The following DNMT3B variants were observed in gnomAD, a reference collection of about 807,000 sequenced individuals.
The protein encoded by DNMT3B is DNA methyltransferase 3 beta.
In DNMT3B, 37 loss-of-function variants were observed where a neutral mutation model predicts 120.2. The ratio of observed to expected loss-of-function variants is 0.31; its 90% confidence interval spans 0.24 to 0.40. DNMT3B has a LOEUF of 0.40. Among genes scored for constraint, DNMT3B ranks in the 10% least tolerant of loss-of-function variants. The pLI is 1.00. For synonymous variants in DNMT3B, 412 were observed against 442.8 expected, an observed-to-expected ratio of 0.93 and a Z score of 0.87; for missense variants, 878 against 1,137.3, an observed-to-expected ratio of 0.77 and a Z score of 3.28.
chr20:32,779,887 A>T, intron 1 of DNMT3B: 2 of 613,142 alleles, frequency 3.3e-6, no homozygotes, highest in East Asian at 5.5e-5. Context: ...CAGGAGGGAA[A>T]ATAATGCACT....
In DNMT3B at chr20:32,780,341, G is replaced by T; in HGVS notation, c.18G>T (p.Arg6Ser). The T allele has an allele frequency of 6.2e-7, 1 of 1,614,006 alleles. No individual in the cohort carries two copies. Among genetic ancestry groups the T allele is most frequent in the Non-Finnish European group, 8.5e-7 (1 of 1,180,002 alleles). MKGDT[R>S]HLNGEEDAGG... ...AGGAAAGCATGAAGGGAGACACCAG[G>T]CATCTCAATGGAGAGGAGGACGCCG... is the stretch of plus-strand genomic sequence containing the variant. The change falls in exon 2 of 23, where the codon AGG becomes AGT. Residue 6 changes from arginine to serine, a missense_variant. This residue lies in a region of DNMT3B where 287 missense variants were observed against 306.2 expected (regional missense o/e 0.94). Coordinates refer to ENST00000328111, the MANE Select transcript of DNMT3B (RefSeq NM_006892.4).
intron 3 of DNMT3B, among the ~76,000 whole-genome samples, chr20:32,783,513 C>T (rs1978876463): frequency 6.6e-6 from 1 of 151,762 alleles, no homozygotes; most frequent in Non-Finnish European, 1.5e-5. Flanking sequence ...GAGCCAGTAT[C>T]AGTCATAAAA....
At chr20:32,770,812 G>A (rs2745868) in intron 1 of DNMT3B, among the ~76,000 whole-genome samples, 3 of 150,762 alleles carry the variant, frequency 2.0e-5, no homozygotes, top group African/African-American at 2.4e-5. Context: ...GGGTTTCTCC[G>A]TGTTGGTCAG....
chr20:32,775,216 C>T (rs560771605), intron 1 of DNMT3B, among the ~76,000 whole-genome samples: 1 of 152,278 alleles, frequency 6.6e-6, no homozygotes, highest in African/African-American at 2.4e-5. Flanking sequence ...TTCTTTAAAT[C>T]AATACTCTCC....
At chr20:32,764,442 G>A (rs1601034091) in intron 1 of DNMT3B, among the ~76,000 whole-genome samples, 1 of 152,130 alleles carries the variant, frequency 6.6e-6, no homozygotes, top group East Asian at 1.9e-4. Flanking sequence ...CTCATTTTAG[G>A]GTGGCCATTC....
intron 4 of DNMT3B, 59 bp from the exon 5 acceptor site, chr20:32,786,443 C>A: frequency 6.2e-7 from 1 of 1,612,304 alleles, no homozygotes; most frequent in Non-Finnish European, 8.5e-7. Flanking sequence ...CTTCTGGCCC[C>A]GCCAGACCCC....
chr20:32,776,305 T>TACTTAATGTTACAGTGGCAG (rs1988070274), intron 1 of DNMT3B, among the ~76,000 whole-genome samples: 1 of 152,062 alleles, frequency 6.6e-6, no homozygotes. Context: ...AACTGTTAGC[T>TACTTAATGTTACAGTGGCAG]ACTTAATGTT....
chr20:32,806,314 A>G lies in DNMT3B; in HGVS notation c.2407A>G (p.Thr803Ala), dbSNP rs1470267081. 2 of 1,614,234 alleles carry G rather than the reference A, an allele frequency of 1.2e-6. No individual in the cohort carries two copies. Among genetic ancestry groups the G allele is most frequent in the East Asian group, 2.2e-5 (1 of 44,894 alleles). ...MNGKEDVLWC[T>A]ELERIFGFPV... The stretch of plus-strand genomic sequence containing the variant: ...TGGCAAAGAAGATGTTTTGTGGTGC[A>G]CTGAGCTCGAAAGGTGAGCAAGGCT... Residue 803 changes from threonine (T) to alanine (A), a missense_variant, in exon 22 of 23, where the codon ACT (threonine) becomes GCT (alanine). Physicochemically the swap from Thr to Ala is moderately conservative, Grantham distance 58. Coordinates refer to ENST00000328111, the MANE Select transcript of DNMT3B (RefSeq NM_006892.4).
chr20:32,780,470 C>T lies in DNMT3B; in HGVS notation c.142+5C>T. 1 of 1,611,748 alleles carries T rather than the reference C, an allele frequency of 6.2e-7. No homozygotes were observed. The highest frequency in any genetic ancestry group is 8.5e-7 in the Non-Finnish European group (1 of 1,179,930). On this transcript the variant is annotated splice_donor_5th_base_variant and intron_variant, in intron 2 of 22. Coordinates refer to ENST00000328111, the MANE Select transcript of DNMT3B (RefSeq NM_006892.4). ...TCCGCACCCCGGAGATCAGAGGTGG[C>T]TGGGCAGTGGGGACTGGGGTGGTGT... is the stretch of plus-strand genomic sequence containing the variant.
In DNMT3B at chr20:32,780,396, G is replaced by A. The variant is rs151128145; in HGVS notation, c.73G>A (p.Gly25Arg). 1.0e-3 allele frequency: 1,631 copies of A among 1,613,942 alleles called. 3 individuals are homozygous for A. The highest frequency in any genetic ancestry group is 1.3e-3 in the Non-Finnish European group (1,487 of 1,180,018). Residue 25 changes from glycine (G) to arginine (R), a missense_variant, in exon 2 of 23, where the codon GGG (glycine) becomes AGG (arginine). Physicochemically the swap from Gly to Arg is moderately radical, Grantham distance 125. Coordinates refer to ENST00000328111, the MANE Select transcript of DNMT3B (RefSeq NM_006892.4). The stretch of plus-strand genomic sequence containing the variant: ...GAGGGAAGACTCGATCCTCGTCAAC[G>A]GGGCCTGCAGCGACCAGTCCTCCGA... ...GGREDSILVNGACSDQSSDSP... is the reference protein window; with the variant it reads ...GGREDSILVNRACSDQSSDSP...
Position 32,787,314 on chromosome 20 carries a change from G to A in DNMT3B, c.517G>A (p.Asp173Asn), listed in dbSNP as rs906767301. The change falls in exon 6 of 23, where the codon GAC (aspartate) becomes AAC (asparagine). Residue 173 changes from aspartate to asparagine, a missense_variant. Transcript: ENST00000328111. ...TTACCTTACCATCGACCTCACAGAC[G>A]ACACAGAGGACACACATGGGACGCC... Reference protein sequence around the residue: ...SSYLTIDLTDDTEDTHGTPQS... With the variant: ...SSYLTIDLTDNTEDTHGTPQS... The A allele has an allele frequency of 4.3e-6, 7 of 1,613,954 alleles. No individual in the cohort carries two copies. Among genetic ancestry groups the A allele is most frequent in the Non-Finnish European group, 5.9e-6 (7 of 1,179,976 alleles).
At position 32,772,873 on chromosome 20, in the gene DNMT3B, C is replaced by CGT. The variant is rs1568822680; in HGVS notation, c.-6-7445_-6-7444insGT. On this transcript the variant is annotated intron_variant, in intron 1 of 22. Transcript: ENST00000328111. ...TGTCTGGTTTTTCCCTGTTTGGACACATTTTTTTTTTTTTTTTTTGAGATG... is the reference window on the plus strand; with the variant it reads ...TGTCTGGTTTTTCCCTGTTTGGACACGTATTTTTTTTTTTTTTTTTTGAGATG... Among the ~76,000 whole-genome samples the CGT allele has an allele frequency of 3.9e-3, 377 of 97,602 alleles. 4 individuals carry two copies. The highest frequency in any genetic ancestry group is 0.018 in the African/African-American group (355 of 19,788). 64.0% of individuals were successfully genotyped at this position (97,602 alleles called of 152,430 possible). A position where few individuals can be genotyped will look rare whatever the true frequency, so the allele number is the denominator to read the frequency against.
rs966089807 is a variant in DNMT3B, at chr20:32,805,325, TG to T, written c.2232-11del. 3.1e-6 allele frequency: 5 copies of T among 1,614,106 alleles called. No individual in the cohort carries two copies. In the African/African-American group the frequency reaches 6.7e-5, roughly 22 times the overall value. ...ATAGCTAGTAAGAAGTAATGGGTTT[TG>T]GCTGTTCCCAGGCCCGTGATAGCAT... is the stretch of plus-strand genomic sequence containing the variant. On this transcript the variant is annotated splice_polypyrimidine_tract_variant and intron_variant, in intron 20 of 22. Transcript: ENST00000328111.
intron 1 of DNMT3B, among the ~76,000 whole-genome samples, chr20:32,777,237 G>C (rs543479044): frequency 9.2e-5 from 14 of 152,252 alleles, no homozygotes; most frequent in African/African-American, 3.1e-4. Context: ...TGTTCTAGGG[G>C]CTTGAGGCTT....
Position 32,786,505 on chromosome 20 carries a change from C to T in DNMT3B, c.310C>T (p.Arg104Ter). The change falls in exon 5 of 23, where the codon CGA (arginine) becomes TGA (stop). Residue 104 changes from arginine to a stop codon, truncating the protein, a stop_gained. Coordinates refer to ENST00000328111, the MANE Select transcript of DNMT3B (RefSeq NM_006892.4). LOFTEE classifies it high-confidence loss of function. Reference sequence around the variant, plus strand: ...GAGTGTCCTCTCTTGCTTCTAGGTCCGAACTCGAAATAACAACAGTGTCTC... The same window carrying T: ...GAGTGTCCTCTCTTGCTTCTAGGTCTGAACTCGAAATAACAACAGTGTCTC... ...TRTRSESPAV[R>*]TRNNNSVSSR... The T allele has an allele frequency of 1.2e-6, 2 of 1,614,038 alleles. No individual in the cohort carries two copies. Among genetic ancestry groups the T allele is most frequent in the African/African-American group, 1.3e-5 (1 of 75,068 alleles).
chr20:32,800,605 C>T (rs1000040587), intron 17 of DNMT3B, among the ~76,000 whole-genome samples: 4 of 152,144 alleles, frequency 2.6e-5, no homozygotes, highest in Non-Finnish European at 5.9e-5. Context: ...ATTACAGGCA[C>T]CTGCCACCAT....
At chr20:32,807,268 A>T (rs1982075734) in intron 22 of DNMT3B, among the ~76,000 whole-genome samples, 1 of 152,124 alleles carries the variant, frequency 6.6e-6, no homozygotes, top group South Asian at 2.1e-4. Flanking sequence ...AATCCTATAG[A>T]GGAAGCTTTT....
At chr20:32,798,315 A>C in intron 14 of DNMT3B, 145 bp from the exon 15 acceptor site, 2 of 949,756 alleles carry the variant, frequency 2.1e-6, no homozygotes, top group Non-Finnish European at 3.2e-6. Flanking sequence ...CGTACTGCAC[A>C]GGGCCCCGCA....
Position 32,800,831 on chromosome 20 carries a change from T to G in DNMT3B, c.1906-4T>G, listed in dbSNP as rs1382406807. ...CTCATCCTGACTCTGTCTCTCTCTT[T>G]CAGATTGAAGAATGGGGCCCATTTG... On this transcript the variant is annotated splice_polypyrimidine_tract_variant and splice_region_variant and intron_variant, in intron 17 of 22. Transcript: ENST00000328111. The G allele has an allele frequency of 6.2e-7, 1 of 1,614,006 alleles. No individual in the cohort carries two copies. Among genetic ancestry groups the G allele is most frequent in the Non-Finnish European group, 8.5e-7 (1 of 1,179,926 alleles).
Sources: gnomAD v4.1 joint callset for allele counts (sites outside exome capture counted in the v4.1 genomes callset) on GRCh38, gnomAD v4.1.1 for gene constraint, gnomAD v4.1.1 regional missense constraint, MANE v1.5 for transcripts, NCBI Gene and HGNC (gene_info 2026-07-23, HGNC 2026-07-21) for gene names.